The following CAPN2 variants were observed in gnomAD, a reference collection of about 807,000 sequenced individuals.
The protein encoded by CAPN2 is calpain-2 catalytic subunit.
Under a neutral mutation model 102.3 loss-of-function variants are expected in CAPN2, and 92 were observed. The observed-to-expected ratio is 0.90, with a 90% CI of 0.76 to 1.07. The LOEUF (loss-of-function observed/expected upper bound fraction) is 1.07. Ranked by LOEUF, CAPN2 falls within the 50% of genes least tolerant of loss-of-function variation. CAPN2 has a pLI of 0.00. For synonymous variants in CAPN2, 340 were observed against 355.4 expected, an observed-to-expected ratio of 0.96 and a Z score of 0.49; for missense variants, 800 against 909.4, an observed-to-expected ratio of 0.88 and a Z score of 1.55.
intron 2 of CAPN2, among the ~76,000 whole-genome samples, chr1:223,720,897 T>C (rs1660033450): frequency 6.6e-6 from 1 of 152,142 alleles, no homozygotes; most frequent in Admixed American, 6.5e-5. Context: ...CAATTTGCCA[T>C]AGTGCTGTGC....
chr1:223,708,001 G>T (rs1257727528), upstream of CAPN2, among the ~76,000 whole-genome samples: 4 of 152,242 alleles, frequency 2.6e-5, no homozygotes, highest in African/African-American at 4.8e-5. Context: ...AGAAGTCGGG[G>T]TGGGGCCAAT....
intron 11 of CAPN2, chr1:223,757,613 T>C: frequency 1.7e-6 from 1 of 571,870 alleles, no homozygotes; most frequent in Non-Finnish European, 3.1e-6. Context: ...CCCTGTGACC[T>C]GGCAGAGCCC....
chr1:223,739,808 A>T (rs1432923546), intron 2 of CAPN2, among the ~76,000 whole-genome samples: 1 of 152,228 alleles, frequency 6.6e-6, no homozygotes, highest in Non-Finnish European at 1.5e-5. Flanking sequence ...ACTGGAAGGC[A>T]CCCTCAGGGG....
intron 9 of CAPN2, 104 bp downstream of exon 9, chr1:223,753,060 GA>G: frequency 9.4e-7 from 1 of 1,067,804 alleles, no homozygotes; most frequent in Non-Finnish European, 1.4e-6. Flanking sequence ...GCAGCCCCAG[GA>G]GGCAGCTCCT....
chr1:223,702,105 A>AGAAGGAAGGAAGGAAGGAAGGAAGGAAG (rs372361537), intron 1 of CAPN2, among the ~76,000 whole-genome samples: 18 of 84,594 alleles, frequency 2.1e-4, no homozygotes, highest in African/African-American at 7.1e-4. Context: ...AAAGAAGGAA[A>AGAAGGAAGGAAGGAAGGAAGGAAGGAAG]GAAGGAAGGA....
chr1:223,764,114 G>T, intron 14 of CAPN2, 36 bp from the exon 15 acceptor site: 1 of 1,581,398 alleles, frequency 6.3e-7, no homozygotes, highest in Non-Finnish European at 8.7e-7. Context: ...GCTCCCACGG[G>T]GGGCCAATAA....
rs1351577110 is a variant in CAPN2, at chr1:223,726,523, T to C, written c.307+8692T>C. Among the ~76,000 whole-genome samples the C allele has an allele frequency of 6.6e-6, 1 of 152,078 alleles. No individual in the cohort carries two copies. Among genetic ancestry groups the C allele is most frequent in the East Asian group, 1.9e-4 (1 of 5,184 alleles). ...GGCACGGCTGAGACAGGCAAGGGAC[T>C]AGAGAGAGGAAGAGTGAATGTCAAG... On this transcript the variant is annotated intron_variant, in intron 2 of 20. Coordinates refer to ENST00000295006, the MANE Select transcript of CAPN2 (RefSeq NM_001748.5). The surrounding 1 kb of genome is among the most constrained non-coding windows in gnomAD (Gnocchi z 4.4).
At chr1:223,770,010 G>C (rs1436077653) in intron 17 of CAPN2, 101 bp downstream of exon 17, 1 of 1,006,226 alleles carries the variant, frequency 9.9e-7, no homozygotes, top group African/African-American at 1.6e-5. Flanking sequence ...ACATTTCCAA[G>C]GGGATTGGGA....
intron 1 of CAPN2, among the ~76,000 whole-genome samples, chr1:223,715,677 C>G (rs1398377411): frequency 6.6e-6 from 1 of 152,126 alleles, no homozygotes; most frequent in Non-Finnish European, 1.5e-5. Context: ...ATCCGGGTGG[C>G]ACATCAGATC....
intron 11 of CAPN2, 68 bp downstream of exon 11, chr1:223,757,448 T>C (rs1661064769): frequency 6.3e-7 from 1 of 1,576,694 alleles, no homozygotes; most frequent in South Asian, 1.1e-5. Context: ...CTGCTGGAGC[T>C]CAGGGAGCGT....
At chr1:223,703,188 C>A (rs1461117755) in intron 1 of CAPN2, among the ~76,000 whole-genome samples, 1 of 152,164 alleles carries the variant, frequency 6.6e-6, no homozygotes, top group African/African-American at 2.4e-5. Flanking sequence ...ACTGTATAAC[C>A]CTGGGTGACT....
At chr1:223,708,951 C>T (rs1271538271), upstream of CAPN2, among the ~76,000 whole-genome samples, 1 of 152,068 alleles carries the variant, frequency 6.6e-6, no homozygotes, top group Non-Finnish European at 1.5e-5. Context: ...AATCTGCAAG[C>T]AGCTCAAAAT....
chr1:223,749,251 C>A, intron 6 of CAPN2, 129 bp downstream of exon 6: 1 of 765,778 alleles, frequency 1.3e-6, no homozygotes. Flanking sequence ...CCCCGCACTC[C>A]TGAAGTTCCG....
At position 223,712,541 on chromosome 1, in the gene CAPN2, TG is replaced by T; in HGVS notation, c.-98del. 1 of 1,246,132 alleles carries T rather than the reference TG, an allele frequency of 8.0e-7. No homozygotes were observed. The highest frequency in any genetic ancestry group is 3.5e-5 in the South Asian group (1 of 28,484). The allele number at this position is 1,246,132 out of a possible 1,614,324, so 77.2% of individuals were successfully genotyped here. ...TCGCTCGCAGCGGCGGCGCCCGCAG[TG>T]GCCGCAGCAGCGCGCCGGGCCCTGG... is the stretch of plus-strand genomic sequence containing the variant. On this transcript the variant is annotated 5_prime_UTR_variant, in exon 1 of 21. Transcript: ENST00000295006.
chr1:223,768,223 T>G (rs1156924246), intron 16 of CAPN2, among the ~76,000 whole-genome samples: 4 of 150,674 alleles, frequency 2.7e-5, no homozygotes, highest in African/African-American at 9.7e-5. Flanking sequence ...TTTTGGCTTT[T>G]GTTGCCATTG....
At chr1:223,773,650 C>T (rs1661540554) in intron 20 of CAPN2, among the ~76,000 whole-genome samples, 2 of 151,882 alleles carry the variant, frequency 1.3e-5, no homozygotes, top group African/African-American at 4.8e-5. Flanking sequence ...GCTGAGATTG[C>T]ACCATTGTAC....
At chr1:223,769,724 T>G (rs1396258380) in intron 16 of CAPN2, 117 bp from the exon 17 acceptor site, 2 of 776,940 alleles carry the variant, frequency 2.6e-6, no homozygotes, top group Non-Finnish European at 4.5e-6. Flanking sequence ...AGGATCCTTC[T>G]GCAAACCCTC....
chr1:223,728,024 T>G (rs1395914810), intron 2 of CAPN2, among the ~76,000 whole-genome samples: 1 of 152,114 alleles, frequency 6.6e-6, no homozygotes, highest in Non-Finnish European at 1.5e-5. Context: ...CACCCCCAGG[T>G]GGGAGACTCT....
At position 223,759,352 on chromosome 1, in the gene CAPN2, A is replaced by G. The variant is rs749499946; in HGVS notation, c.1400A>G (p.Asn467Ser). Reference protein sequence around the residue: ...RARERSDTFINLREVLNRFKL... With the variant: ...RARERSDTFISLREVLNRFKL... ...AGGGAGCGCTCAGACACCTTCATCA[A>G]CCTCCGGGAGGTGCTCAACCGCTTC... The change falls in exon 12 of 21, where the codon AAC (asparagine) becomes AGC (serine). Residue 467 changes from asparagine to serine, a missense_variant. Coordinates refer to ENST00000295006, the MANE Select transcript of CAPN2 (RefSeq NM_001748.5). The surrounding 1 kb of genome is among the most constrained non-coding windows in gnomAD (Gnocchi z 4.6). The G allele has an allele frequency of 1.2e-6, 2 of 1,613,960 alleles. No individual in the cohort carries two copies. The highest frequency in any genetic ancestry group is 1.7e-6 in the Non-Finnish European group (2 of 1,180,002).
Sources: allele counts gnomAD v4.1 joint callset (sites outside exome capture counted in the v4.1 genomes callset), GRCh38; gene constraint gnomAD v4.1.1; non-coding constraint Gnocchi (gnomAD v3.1); transcripts MANE v1.5; gene names NCBI Gene and HGNC (gene_info 2026-07-23, HGNC 2026-07-21).